TLK2: variants seen among roughly 807,000 people sequenced by gnomAD.
The protein encoded by TLK2 is tousled like kinase 2.
TLK2 carries 6 observed loss-of-function variants against 117.3 expected under a neutral mutation model. The ratio of observed to expected loss-of-function variants is 0.05; its 90% confidence interval spans 0.03 to 0.10. The LOEUF is 0.10. TLK2 is among the 10% of genes least tolerant of loss of function. The pLI, the probability that TLK2 is intolerant of heterozygous loss-of-function variation, is 1.00. For synonymous variants in TLK2, 257 were observed against 316.7 expected (o/e 0.81, Z 2.00); for missense variants, 299 against 901.2 (o/e 0.33, Z 8.56).
rs546745552 is a variant in TLK2, at chr17:62,560,035, G to A, written c.740G>A (p.Arg247Gln). 9 of 1,605,914 alleles carry A rather than the reference G, an allele frequency of 5.6e-6. No homozygotes were observed. The highest frequency in any genetic ancestry group is 2.2e-5 in the East Asian group (1 of 44,544). The change falls in exon 10 of 22, where the codon CGG (arginine) becomes CAG (glutamine). Residue 247 changes from arginine to glutamine, a missense_variant. Physicochemically the swap from Arg to Gln is conservative, Grantham distance 43. This residue lies in a region of TLK2 where 94 missense variants were observed against 282.6 expected (regional missense o/e 0.33). Transcript: ENST00000346027. Reference sequence around the variant, plus strand: ...TTGAAGGCCAACTGTGATTTGAGACGGCAGATTGATGAACAGCAAAAGATG... The same window carrying A: ...TTGAAGGCCAACTGTGATTTGAGACAGCAGATTGATGAACAGCAAAAGATG... ...DLLRANCDLRRQIDEQQKMLE... is the reference protein window; with the variant it reads ...DLLRANCDLRQQIDEQQKMLE...
intron 16 of TLK2, among the ~76,000 whole-genome samples, chr17:62,586,746 G>A (rs1299860500): frequency 5.9e-5 from 9 of 151,978 alleles, no homozygotes; most frequent in Admixed American, 3.3e-4. Flanking sequence ...GCGTGAACTC[G>A]GGAGGCAGAG....
chr17:62,568,226 G>A (rs1435036144), intron 11 of TLK2, among the ~76,000 whole-genome samples: 1 of 152,046 alleles, frequency 6.6e-6, no homozygotes, highest in Non-Finnish European at 1.5e-5. Context: ...GAGGCCAGGA[G>A]TTTGAGACCA....
intron 18 of TLK2, among the ~76,000 whole-genome samples, chr17:62,601,769 T>C (rs2082893040): frequency 6.6e-6 from 1 of 152,184 alleles, no homozygotes; most frequent in African/African-American, 2.4e-5. Flanking sequence ...TGAACAAGGG[T>C]ATTTTACTTT....
At chr17:62,539,239 C>A (rs2077330132) in intron 7 of TLK2, among the ~76,000 whole-genome samples, 1 of 152,136 alleles carries the variant, frequency 6.6e-6, no homozygotes, top group Admixed American at 6.5e-5. Flanking sequence ...TGCAAAAAAT[C>A]TGGAAGCAGT....
intron 16 of TLK2, among the ~76,000 whole-genome samples, chr17:62,587,784 G>A (rs911027617): frequency 3.9e-5 from 6 of 152,250 alleles, no homozygotes; most frequent in Non-Finnish European, 8.8e-5. Flanking sequence ...GTGGCACACC[G>A]TAGTGAGTGC....
chr17:62,545,831 A>G (rs1213224964), intron 7 of TLK2, among the ~76,000 whole-genome samples: 1 of 151,750 alleles, frequency 6.6e-6, no homozygotes, highest in Non-Finnish European at 1.5e-5. Flanking sequence ...GCCTCCCCAA[A>G]TAGCTGGGAC....
rs545083641 is a variant in TLK2 at position 62,528,708 on chromosome 17, C to T, written c.363+4377C>T. On this transcript the variant is annotated intron_variant, in intron 6 of 21. Coordinates refer to ENST00000346027, the MANE Select transcript of TLK2 (RefSeq NM_006852.6). ...CTGGAATTACAGGCGTGAGCAACTG[C>T]GCCTGGCAAGCTCGGAATGATTTTT... Among the ~76,000 whole-genome samples, 6 of 152,272 alleles carry T rather than the reference C, an allele frequency of 3.9e-5. No homozygotes were observed. In the East Asian group the frequency reaches 5.8e-4, roughly 15 times the overall value.
intron 1 of TLK2, among the ~76,000 whole-genome samples, chr17:62,471,581 C>G (rs2070940006): frequency 6.6e-6 from 1 of 152,126 alleles, no homozygotes; most frequent in African/African-American, 2.4e-5. Flanking sequence ...AACCTCAGAA[C>G]ATAAAGTTTA....
At position 62,553,743 on chromosome 17, in the gene TLK2, T is replaced by C. The variant is rs773865375; in HGVS notation, c.708T>C (p.Asp236=). 2.5e-6 allele frequency: 4 copies of C among 1,579,574 alleles called. No individual in the cohort carries two copies. In the South Asian group the frequency reaches 4.4e-5, roughly 17 times the overall value. ...TAGAGAAGAAGGAGGGAAGAATAGA[T>C]GATTTATTAAGAGTAAGTATTAAAA... ...SDLEKKEGRI[D]DLLRANCDLR... The change falls in exon 9 of 22, where the codon GAT becomes GAC. Residue 236 remains aspartate (D), a synonymous_variant. Coordinates refer to ENST00000346027, the MANE Select transcript of TLK2 (RefSeq NM_006852.6).
rs550448299 is a variant in TLK2 at position 62,519,907 on chromosome 17, C to CT, written c.82-863dup. ...GTATCTTCATTACATCCAGGAACCTCTTTCCACTTGCGTAGTACCACAACC... is the reference window on the plus strand; with the variant it reads ...GTATCTTCATTACATCCAGGAACCTCTTTTCCACTTGCGTAGTACCACAACC... On this transcript the variant is annotated intron_variant, in intron 2 of 21. Transcript: ENST00000346027. Among the ~76,000 whole-genome samples the CT allele has an allele frequency of 1.8e-3, 276 of 152,262 alleles. 1 individual carries two copies. The highest frequency in any genetic ancestry group is 6.0e-3 in the African/African-American group (250 of 41,550).
At chr17:62,601,538 G>T (rs750128483) in intron 18 of TLK2, among the ~76,000 whole-genome samples, 3 of 152,176 alleles carry the variant, frequency 2.0e-5, no homozygotes, top group Non-Finnish European at 4.4e-5. Context: ...TTATGATGAA[G>T]AAATTTTTTA....
intron 11 of TLK2, among the ~76,000 whole-genome samples, chr17:62,568,329 G>C (rs985154830): frequency 1.4e-4 from 21 of 151,622 alleles, no homozygotes; most frequent in Admixed American, 6.6e-4. Context: ...CTACTCGGCA[G>C]GCTGAGGCAG....
intron 2 of TLK2, among the ~76,000 whole-genome samples, chr17:62,491,655 C>G (rs925418953): frequency 2.2e-4 from 34 of 152,310 alleles, no homozygotes; most frequent in African/African-American, 5.8e-4. Context: ...GTAGCGTGAT[C>G]TCGGCTCACT....
intron 6 of TLK2, among the ~76,000 whole-genome samples, chr17:62,526,585 G>A (rs2076378857): frequency 6.6e-6 from 1 of 152,120 alleles, no homozygotes; most frequent in South Asian, 2.1e-4. Context: ...CTGTCTACTT[G>A]ACATTTCCAC....
chr17:62,543,638 T>C (rs553572299), intron 7 of TLK2, among the ~76,000 whole-genome samples: 7 of 152,346 alleles, frequency 4.6e-5, no homozygotes, highest in Admixed American at 3.9e-4. Flanking sequence ...TGCATCTTCT[T>C]TGGAGAGATC....
chr17:62,484,658 G>A (rs1417556518), intron 2 of TLK2, among the ~76,000 whole-genome samples: 1 of 152,100 alleles, frequency 6.6e-6, no homozygotes, highest in Non-Finnish European at 1.5e-5. Context: ...TTTGAAATGG[G>A]GGTGTGGAGG....
chr17:62,555,544 G>A (rs1315106832), intron 9 of TLK2, among the ~76,000 whole-genome samples: 2 of 149,494 alleles, frequency 1.3e-5, no homozygotes, highest in Non-Finnish European at 3.0e-5. Flanking sequence ...GTGCAGTGGC[G>A]TGATCTCAGC....
At chr17:62,558,091 T>C (rs758945164) in intron 9 of TLK2, among the ~76,000 whole-genome samples, 30 of 152,228 alleles carry the variant, frequency 2.0e-4, no homozygotes, top group South Asian at 4.2e-4. Flanking sequence ...ACGTCATTCA[T>C]TGAATTTTGC....
chr17:62,522,139 C>T (rs1189496411), intron 3 of TLK2, 65 bp from the exon 4 acceptor site: 16 of 1,536,112 alleles, frequency 1.0e-5, no homozygotes, highest in Middle Eastern at 3.4e-4. Context: ...TGTGTATACT[C>T]GCTGTTTTTC....
Sources: gnomAD v4.1 joint callset for allele counts (sites outside exome capture counted in the v4.1 genomes callset) on GRCh38, gnomAD v4.1.1 for gene constraint, gnomAD v4.1.1 regional missense constraint, MANE v1.5 for transcripts, NCBI Gene and HGNC (gene_info 2026-07-23, HGNC 2026-07-21) for gene names.